Variants in GALNTL6 observed in about 807,000 individuals in gnomAD.
GALNTL6 encodes the protein polypeptide N-acetylgalactosaminyltransferase-like 6.
In GALNTL6, 46 loss-of-function variants were observed where a neutral mutation model predicts 73.7. That is an observed-to-expected ratio of 0.62 (90% CI 0.49 to 0.80). The LOEUF (loss-of-function observed/expected upper bound fraction) is 0.80. Ranked by LOEUF, GALNTL6 falls within the 30% of genes least tolerant of loss-of-function variation. The pLI, the probability that GALNTL6 is intolerant of heterozygous loss-of-function variation, is 0.00. For missense variants in GALNTL6, 604 were observed against 755.0 expected (o/e 0.80, Z 2.34); for synonymous variants, 259 against 263.7 (o/e 0.98, Z 0.17).
intron 5 of GALNTL6, chr4:172,379,940 TC>T (rs1743217387): frequency 1.5e-6 from 1 of 664,562 alleles, no homozygotes; most frequent in Non-Finnish European, 2.7e-6. Flanking sequence ...CTGTAGTGTT[TC>T]TAAGACCTTG....
chr4:172,300,199 C>CT (rs1272665847), intron 3 of GALNTL6, among the ~76,000 whole-genome samples: 4 of 151,906 alleles, frequency 2.6e-5, no homozygotes, highest in Admixed American at 6.6e-5. Flanking sequence ...CAAACCCTGC[C>CT]TTTTTTTGTT....
At chr4:173,000,102 A>C (rs1751979419) in intron 10 of GALNTL6, among the ~76,000 whole-genome samples, 1 of 152,188 alleles carries the variant, frequency 6.6e-6, no homozygotes, top group African/African-American at 2.4e-5. Context: ...TATTGAGCAC[A>C]TAATATGGTC....
chr4:172,571,080 C>T (rs752456315), intron 5 of GALNTL6, among the ~76,000 whole-genome samples: 4 of 152,132 alleles, frequency 2.6e-5, no homozygotes, highest in African/African-American at 7.2e-5. Context: ...CCCCCCAGTG[C>T]GTGGCCTGGT....
intron 5 of GALNTL6, among the ~76,000 whole-genome samples, chr4:172,589,770 A>G (rs1324953467): frequency 6.6e-6 from 1 of 152,110 alleles, no homozygotes; most frequent in African/African-American, 2.4e-5. Flanking sequence ...GGCATAGTAC[A>G]ACATTATGTG....
At chr4:172,719,025 A>G (rs1735284522) in intron 5 of GALNTL6, among the ~76,000 whole-genome samples, 1 of 152,196 alleles carries the variant, frequency 6.6e-6, no homozygotes, top group South Asian at 2.1e-4. Context: ...CAACATCACA[A>G]TGGGCAAATG....
chr4:172,046,791 C>G (rs760046408), intron 2 of GALNTL6, among the ~76,000 whole-genome samples: 1 of 152,030 alleles, frequency 6.6e-6, no homozygotes, highest in Non-Finnish European at 1.5e-5. Flanking sequence ...AAATGTATGG[C>G]TAAAATATTT....
intron 6 of GALNTL6, among the ~76,000 whole-genome samples, chr4:172,810,246 C>T (rs989115399): frequency 6.6e-6 from 1 of 152,028 alleles, no homozygotes; most frequent in African/African-American, 2.4e-5. Context: ...GTTAGAAACA[C>T]GAAAGAACTG....
intron 2 of GALNTL6, among the ~76,000 whole-genome samples, chr4:172,201,099 AC>A (rs1331776291): frequency 6.6e-6 from 1 of 152,136 alleles, no homozygotes; most frequent in African/African-American, 2.4e-5. Context: ...TTTGTTAAAC[AC>A]TGAAACAACT....
chr4:172,999,970 G>T (rs1751971949), intron 10 of GALNTL6, among the ~76,000 whole-genome samples: 1 of 151,888 alleles, frequency 6.6e-6, no homozygotes, highest in East Asian at 1.9e-4. Context: ...AACAGAACAA[G>T]GTCTAAATCC....
intron 10 of GALNTL6, among the ~76,000 whole-genome samples, chr4:173,003,112 G>A (rs764340442): frequency 6.6e-6 from 1 of 152,106 alleles, no homozygotes; most frequent in Non-Finnish European, 1.5e-5. Flanking sequence ...ATTTAAAATG[G>A]TTAAAATAAT....
chr4:172,204,528 G>A (rs533504857), intron 2 of GALNTL6, among the ~76,000 whole-genome samples: 4 of 152,054 alleles, frequency 2.6e-5, no homozygotes, highest in Non-Finnish European at 5.9e-5. Flanking sequence ...TTAATTTGGA[G>A]CTAAGATAGG....
At chr4:172,930,551 ATCT>A (rs1748278712) in intron 8 of GALNTL6, among the ~76,000 whole-genome samples, 10 of 152,250 alleles carry the variant, frequency 6.6e-5, no homozygotes, top group Admixed American at 6.5e-4. Context: ...TGAAACAAAT[ATCT>A]ATATAAATAA....
intron 5 of GALNTL6, among the ~76,000 whole-genome samples, chr4:172,783,513 T>G (rs1739489704): frequency 6.7e-6 from 1 of 148,334 alleles, no homozygotes; most frequent in African/African-American, 2.5e-5. Context: ...ATATACACTA[T>G]TTAATATAAT....
At chr4:172,436,089 T>C (rs1731625069) in intron 5 of GALNTL6, among the ~76,000 whole-genome samples, 1 of 152,162 alleles carries the variant, frequency 6.6e-6, no homozygotes, top group African/African-American at 2.4e-5. Flanking sequence ...ATCATGTGTT[T>C]AGTTATCCAG....
intron 3 of GALNTL6, among the ~76,000 whole-genome samples, chr4:172,251,297 G>A (rs1397726515): frequency 2.0e-5 from 3 of 152,078 alleles, no homozygotes; most frequent in African/African-American, 7.2e-5. Flanking sequence ...CATTAAAGCA[G>A]GTGGGGAGTA....
intron 2 of GALNTL6, among the ~76,000 whole-genome samples, chr4:172,027,360 T>C (rs1291665612): frequency 6.6e-6 from 1 of 152,168 alleles, no homozygotes; most frequent in Admixed American, 6.6e-5. Flanking sequence ...TTTCAAATGT[T>C]GTCATCATTA....
At chr4:172,427,404 C>CA (rs1731272630) in intron 5 of GALNTL6, among the ~76,000 whole-genome samples, 1 of 152,004 alleles carries the variant, frequency 6.6e-6, no homozygotes, top group African/African-American at 2.4e-5. Flanking sequence ...GAAAGACCTG[C>CA]CCAGATGATT....
intron 5 of GALNTL6, among the ~76,000 whole-genome samples, chr4:172,361,533 A>G (rs1169986233): frequency 6.6e-6 from 1 of 152,174 alleles, no homozygotes; most frequent in Non-Finnish European, 1.5e-5. Flanking sequence ...GAAAAAGCTT[A>G]TGGATTCTGG....
intron 5 of GALNTL6, among the ~76,000 whole-genome samples, chr4:172,454,275 T>C (rs562277378): frequency 6.6e-6 from 1 of 152,368 alleles, no homozygotes; most frequent in South Asian, 2.1e-4. Flanking sequence ...TCCAGTTTAC[T>C]GATAAAACAT....
Sources: allele counts gnomAD v4.1 joint callset (sites outside exome capture counted in the v4.1 genomes callset), GRCh38; gene constraint gnomAD v4.1.1; transcripts MANE v1.5; gene names NCBI Gene and HGNC (gene_info 2026-07-23, HGNC 2026-07-21).